The following ZNF728 variants were observed in gnomAD, a reference collection of about 807,000 sequenced individuals.
The protein encoded by ZNF728 is zinc finger protein 728.
Under a neutral mutation model 12.5 loss-of-function variants are expected in ZNF728, and 12 were observed. The ratio of observed to expected loss-of-function variants is 0.96; its 90% CI spans 0.61 to 1.55. The LOEUF (loss-of-function observed/expected upper bound fraction) is 1.55, where lower values mean the gene tolerates loss of function less well. Ranked by LOEUF, ZNF728 falls within the 40% of genes most tolerant of loss-of-function variation. The probability of loss-of-function intolerance (pLI) is 0.00; values close to 1 mark genes in which losing one functional copy is unlikely to be tolerated. For missense variants in ZNF728, 692 were observed against 719.2 expected (o/e 0.96, Z 0.43); for synonymous variants, 205 against 240.7 (o/e 0.85, Z 1.37).
chr19:23,002,966 C>A, intron 1 of ZNF728, 62 bp downstream of exon 1: 2 of 1,586,940 alleles, frequency 1.3e-6, no homozygotes, highest in Non-Finnish European at 1.7e-6. Context: ...GCCACAGCCA[C>A]TTCCCACCGG....
At chr19:22,983,608 A>G (rs1296005218) in intron 3 of ZNF728, among the ~76,000 whole-genome samples, 1 of 152,218 alleles carries the variant, frequency 6.6e-6, no homozygotes, top group African/African-American at 2.4e-5. Flanking sequence ...AACCAACCCA[A>G]ATGCCCATCA....
chr19:22,992,563 T>A (rs1356238289), intron 1 of ZNF728, among the ~76,000 whole-genome samples: 2 of 150,346 alleles, frequency 1.3e-5, no homozygotes. Context: ...ATTTTTTTTT[T>A]ATGACTATAT....
chr19:22,976,566 T>A lies in ZNF728; in HGVS notation c.771A>T (p.Lys257Asn). The part of the protein sequence containing the change: ...KVIHTGEKHY[K>N]CEECGKAFTR... ...TGAAGGCTTTGCCACATTCTTCACA[T>A]TTGTAATGTTTCTCTCCAGTATGAA... is the stretch of plus-strand genomic sequence containing the variant. Residue 257 changes from lysine (K) to asparagine (N), a missense_variant, in exon 4 of 4, where the codon AAA becomes AAT. Around this residue, in one of 3 missense-constraint regions of ZNF728, gnomAD observed 440 missense variants for 459.6 expected, o/e 0.96. Coordinates refer to ENST00000594710, the MANE Select transcript of ZNF728 (RefSeq NM_001267716.2). 1 of 1,611,398 alleles carries A rather than the reference T, an allele frequency of 6.2e-7. No individual in the cohort carries two copies.
chr19:22,987,226 G>A, intron 3 of ZNF728, 82 bp downstream of exon 3: 1 of 1,250,344 alleles, frequency 8.0e-7, no homozygotes, highest in South Asian at 2.1e-5. Flanking sequence ...TTGGAACACA[G>A]CTTCCCATAT....
chr19:22,986,135 C>A (rs895433069), intron 3 of ZNF728, among the ~76,000 whole-genome samples: 3 of 152,174 alleles, frequency 2.0e-5, no homozygotes, highest in Non-Finnish European at 4.4e-5. Flanking sequence ...GGAGGCCCAA[C>A]AAAAGATTTT....
Position 23,003,051 on chromosome 19 carries a change from T to C in ZNF728, c.-21A>G, listed in dbSNP as rs748247387. 20 of 1,580,336 alleles carry C rather than the reference T, an allele frequency of 1.3e-5. No individual in the cohort carries two copies. Among genetic ancestry groups the C allele is most frequent in the Non-Finnish European group, 1.7e-5 (20 of 1,163,644 alleles). On this transcript the variant is annotated 5_prime_UTR_variant, in exon 1 of 4. Transcript: ENST00000594710. ...ACCATTTCTAGGCTTCCGGGGGTCC[T>C]GGCGACTTAGTTGTGAATCTCCCAA... is the stretch of plus-strand genomic sequence containing the variant.
chr19:22,983,980 T>G (rs549357687), intron 3 of ZNF728, among the ~76,000 whole-genome samples: 1 of 152,056 alleles, frequency 6.6e-6, no homozygotes, highest in Non-Finnish European at 1.5e-5. Context: ...GTTCTGCACA[T>G]GTGCCCCAGA....
At chr19:22,983,989 G>T (rs1188609426) in intron 3 of ZNF728, among the ~76,000 whole-genome samples, 1 of 151,948 alleles carries the variant, frequency 6.6e-6, no homozygotes, top group African/African-American at 2.4e-5. Context: ...ATGTGCCCCA[G>T]AATTTAAAGT....
intron 1 of ZNF728, among the ~76,000 whole-genome samples, chr19:22,994,328 C>T (rs560499806): frequency 6.6e-6 from 1 of 152,288 alleles, no homozygotes; most frequent in South Asian, 2.1e-4. Context: ...TAGAGTAAAG[C>T]TTAGTTGGCA....
At chr19:23,002,963 C>G in intron 1 of ZNF728, 65 bp downstream of exon 1, 2 of 1,584,898 alleles carry the variant, frequency 1.3e-6, no homozygotes, top group East Asian at 2.4e-5. Context: ...CCCGCCACAG[C>G]CACTTCCCAC....
rs1836017 is a variant in ZNF728 at position 22,975,918 on chromosome 19, A to T, written c.1419T>A (p.Ile473=). The T allele has an allele frequency of 0.14, 217,774 of 1,612,834 alleles. 15,189 individuals carry two copies. Among genetic ancestry groups the T allele is most frequent in the Non-Finnish European group, 0.14 (169,395 of 1,179,800 alleles). Residue 473 remains isoleucine, a synonymous_variant, in exon 4 of 4, where the codon ATT becomes ATA. Coordinates refer to ENST00000594710, the MANE Select transcript of ZNF728 (RefSeq NM_001267716.2). ...ATTTGTAGAGTTTCTCTCCAGCATG[A>T]ATTGCCTTATGTGTAGTAAGGCTTG... ...WSSSLTTHKA[I]HAGEKLYKCE... is the part of the protein sequence containing the mutation.
chr19:22,976,538 G>A lies in ZNF728; in HGVS notation c.799C>T (p.Arg267Trp), dbSNP rs751566294. 127 of 1,602,718 alleles carry A rather than the reference G, an allele frequency of 7.9e-5. No homozygotes were observed. The Middle Eastern group carries it at 8.3e-4, about 10-fold the overall frequency. Residue 267 changes from arginine to tryptophan, a missense_variant, in exon 4 of 4, where the codon CGG (arginine) becomes TGG (tryptophan). Transcript: ENST00000594710. ...KCEECGKAFT[R>W]SSSLIEHKRS... ...TTATGTTCAATAAGGCTTGAGGACC[G>A]GGTGAAGGCTTTGCCACATTCTTCA... is the stretch of plus-strand genomic sequence containing the variant.
At chr19:22,995,957 T>G (rs980323759) in intron 1 of ZNF728, 3 of 152,178 alleles carry the variant, frequency 2.0e-5, no homozygotes, top group African/African-American at 7.2e-5. Flanking sequence ...TCTGTCTTTA[T>G]TTGTCCTGTA....
At chr19:22,999,704 T>G (rs1404425866) in intron 1 of ZNF728, among the ~76,000 whole-genome samples, 6 of 152,194 alleles carry the variant, frequency 3.9e-5, no homozygotes, top group African/African-American at 1.4e-4. Flanking sequence ...GAGAAGCAAA[T>G]GTATTTATTT....
chr19:22,979,614 G>A (rs1968840460), intron 3 of ZNF728, among the ~76,000 whole-genome samples: 1 of 128,074 alleles, frequency 7.8e-6, no homozygotes, highest in African/African-American at 4.5e-5. Flanking sequence ...CAGCCAGAGA[G>A]AAAGGTCGAG....
At chr19:22,996,723 A>G (rs1337889048) in intron 1 of ZNF728, among the ~76,000 whole-genome samples, 1 of 151,646 alleles carries the variant, frequency 6.6e-6, no homozygotes, top group African/African-American at 2.4e-5. Flanking sequence ...TTCATTGTTA[A>G]TATGATTTAC....
At chr19:22,993,138 AC>A (rs1969008264) in intron 1 of ZNF728, among the ~76,000 whole-genome samples, 1 of 152,174 alleles carries the variant, frequency 6.6e-6, no homozygotes, top group South Asian at 2.1e-4. Flanking sequence ...GATTCTATTT[AC>A]TCCGGGAGCC....
intron 1 of ZNF728, among the ~76,000 whole-genome samples, chr19:23,000,832 C>A (rs1308247851): frequency 7.7e-6 from 1 of 130,614 alleles, no homozygotes; most frequent in Non-Finnish European, 1.5e-5. Flanking sequence ...TGCACCACTG[C>A]ACTACAGCCT....
intron 3 of ZNF728, 61 bp downstream of exon 3, chr19:22,987,247 A>G: frequency 6.7e-7 from 1 of 1,482,944 alleles, no homozygotes; most frequent in Non-Finnish European, 9.1e-7. Context: ...CACTTTAAGG[A>G]CTGGCTTTCT....
Sources: gnomAD v4.1 joint callset for allele counts (sites outside exome capture counted in the v4.1 genomes callset) on GRCh38, gnomAD v4.1.1 for gene constraint, gnomAD v4.1.1 regional missense constraint, MANE v1.5 for transcripts, NCBI Gene and HGNC (gene_info 2026-07-23, HGNC 2026-07-21) for gene names.